The following PLCG1 variants were observed in gnomAD, a reference collection of about 807,000 sequenced individuals.
The protein encoded by PLCG1 is phospholipase C gamma 1.
Under a neutral mutation model 177.8 loss-of-function variants are expected in PLCG1, and 71 were observed. The ratio of observed to expected loss-of-function variants is 0.40; its 90% CI spans 0.33 to 0.49. PLCG1 has a LOEUF of 0.49. PLCG1 is among the 20% of genes least tolerant of loss of function. The pLI, the probability that PLCG1 is intolerant of heterozygous loss-of-function variation, is 0.72. For synonymous variants in PLCG1, 658 were observed against 647.9 expected (o/e 1.02, Z -0.24); for missense variants, 1,281 against 1,709.0 (o/e 0.75, Z 4.42).
In PLCG1 at chr20:41,165,549, G is replaced by A. The variant is rs1170504360; in HGVS notation, c.1609G>A (p.Glu537Lys). 11 of 1,613,716 alleles carry A rather than the reference G, an allele frequency of 6.8e-6. No individual in the cohort carries two copies. The highest frequency in any genetic ancestry group is 9.3e-6 in the Non-Finnish European group (11 of 1,179,632). ...QGNEDEEEPK[E>K]VSSSTELHSN... ...CAACGAGGATGAGGAGGAGCCCAAG[G>A]AGGTGAGGAACCAGCTCAGGTCTGG... The change falls in exon 15 of 32, where the codon GAG (glutamate) becomes AAG (lysine). Residue 537 changes from glutamate (E) to lysine (K), a missense_variant and splice_region_variant. Physicochemically the swap from Glu to Lys is moderately conservative, Grantham distance 56. Transcript: ENST00000685551. This position sits in a 1 kb window ranked among gnomAD's most constrained non-coding sequence, Gnocchi z 6.6.
At chr20:41,168,908 C>A in intron 21 of PLCG1, 38 bp downstream of exon 21, 1 of 1,433,332 alleles carries the variant, frequency 7.0e-7, no homozygotes, top group East Asian at 2.3e-5. Context: ...GTCCAAGGGC[C>A]CCAGTGGAGC....
rs530092567 is a variant in PLCG1 at position 41,174,377 on chromosome 20, C to G, written c.3833+66C>G. The stretch of plus-strand genomic sequence containing the variant: ...GCTAGGTCCTCCTTCTTCAGTGTTT[C>G]TTTCTCCTGGGTAGAAAAGTTGTAA... On this transcript the variant is annotated intron_variant, in intron 31 of 31. Transcript: ENST00000685551. This position sits in a 1 kb window ranked among gnomAD's most constrained non-coding sequence, Gnocchi z 5.8. The G allele has an allele frequency of 1.9e-6, 3 of 1,601,546 alleles. No homozygotes were observed. The highest frequency in any genetic ancestry group is 1.3e-5 in the African/African-American group (1 of 74,756).
At chr20:41,169,641 C>T (rs2035829144) in intron 23 of PLCG1, 115 bp downstream of exon 23, 1 of 782,828 alleles carries the variant, frequency 1.3e-6, no homozygotes, top group Non-Finnish European at 2.2e-6. Flanking sequence ...TCTGCCCTCA[C>T]TCCAAGCTCT....
At chr20:41,158,607 G>C (rs766461342) in intron 1 of PLCG1, among the ~76,000 whole-genome samples, 2 of 152,164 alleles carry the variant, frequency 1.3e-5, no homozygotes, top group African/African-American at 2.4e-5. Context: ...TAGCTGTTAC[G>C]ACTTTTGATC....
intron 1 of PLCG1, among the ~76,000 whole-genome samples, chr20:41,149,002 T>C (rs1243284153): frequency 6.6e-6 from 1 of 152,242 alleles, no homozygotes; most frequent in Non-Finnish European, 1.5e-5. Flanking sequence ...ATAGTGTTAT[T>C]TGCAAGTATA....
At chr20:41,149,175 C>T (rs533468608) in intron 1 of PLCG1, among the ~76,000 whole-genome samples, 5 of 152,356 alleles carry the variant, frequency 3.3e-5, no homozygotes, top group Non-Finnish European at 1.5e-5. Context: ...TCATCCTCTA[C>T]TTCTCAGCTT....
chr20:41,174,603 T>G lies in PLCG1; in HGVS notation c.*94T>G. Reference sequence around the variant, plus strand: ...TTGGAAGCAGCCCCCTGTGGCGGCCTTCCGGGTCTCGCAGCCTGAAGCCTG... The same window carrying G: ...TTGGAAGCAGCCCCCTGTGGCGGCCGTCCGGGTCTCGCAGCCTGAAGCCTG... On this transcript the variant is annotated 3_prime_UTR_variant, in exon 32 of 32. Transcript: ENST00000685551. This position sits in a 1 kb window ranked among gnomAD's most constrained non-coding sequence, Gnocchi z 5.8. The G allele has an allele frequency of 8.9e-7, 1 of 1,128,658 alleles. No homozygotes were observed. The highest frequency in any genetic ancestry group is 1.3e-5 in the South Asian group (1 of 74,900). The allele number at this position is 1,128,658 out of a possible 1,614,324, so 69.9% of individuals were successfully genotyped here. A position where few individuals can be genotyped will look rare whatever the true frequency, so the allele number is the denominator to read the frequency against.
chr20:41,173,904 A>G lies in PLCG1; in HGVS notation c.3557-19A>G. On this transcript the variant is annotated intron_variant, in intron 29 of 31. Coordinates refer to ENST00000685551, the MANE Select transcript of PLCG1 (RefSeq NM_002660.3). The surrounding 1 kb of genome is among the most constrained non-coding windows in gnomAD (Gnocchi z 6.2). ...CTCTGTCCCTCGTGGGCTGAGGGCC[A>G]GGCTTTTCCTCCTCCTAGGATACAG... 2 of 1,613,254 alleles carry G rather than the reference A, an allele frequency of 1.2e-6. No individual in the cohort carries two copies. Among genetic ancestry groups the G allele is most frequent in the Non-Finnish European group, 1.7e-6 (2 of 1,179,260 alleles).
At chr20:41,142,763 T>G (rs1037859496) in intron 1 of PLCG1, among the ~76,000 whole-genome samples, 1 of 152,050 alleles carries the variant, frequency 6.6e-6, no homozygotes, top group African/African-American at 2.4e-5. Flanking sequence ...TTTTATAAGG[T>G]TTTTGTGAGG....
rs1317909688 is a variant in PLCG1 at position 41,151,653 on chromosome 20, C to CA, written c.218-7952dup. On this transcript the variant is annotated intron_variant, in intron 1 of 31. Coordinates refer to ENST00000685551, the MANE Select transcript of PLCG1 (RefSeq NM_002660.3). This position sits in a 1 kb window ranked among gnomAD's most constrained non-coding sequence, Gnocchi z 5.5. Reference sequence around the variant, plus strand: ...GGCAGGAGGAGGAATATTATAGTCTCAGGAAGAGGGAGGAATGAGAGGGAG... The same window carrying CA: ...GGCAGGAGGAGGAATATTATAGTCTCAAGGAAGAGGGAGGAATGAGAGGGAG... Among the ~76,000 whole-genome samples the CA allele has an allele frequency of 6.6e-6, 1 of 152,150 alleles. No homozygotes were observed. Among genetic ancestry groups the CA allele is most frequent in the African/African-American group, 2.4e-5 (1 of 41,396 alleles).
intron 5 of PLCG1, 41 bp from the exon 6 acceptor site, chr20:41,162,601 G>C: frequency 1.2e-6 from 2 of 1,605,934 alleles, no homozygotes; most frequent in Non-Finnish European, 1.7e-6. Context: ...TCAGCTGGGG[G>C]CCTGACTGCC....
Position 41,166,242 on chromosome 20 carries a change from T to TG in PLCG1, c.1851dup (p.Thr618AspfsTer13), listed in dbSNP as rs1317405522. On this transcript the variant is annotated frameshift_variant, in exon 17 of 32. Coordinates refer to ENST00000685551, the MANE Select transcript of PLCG1 (RefSeq NM_002660.3). LOFTEE classifies it high-confidence loss of function. This position sits in a 1 kb window ranked among gnomAD's most constrained non-coding sequence, Gnocchi z 8.6. ...GCCGTATCCACTCCCGGCAAGATGC[T>TG]GGGACCCCCAAGTTCTTCTTGACAG... is the stretch of plus-strand genomic sequence containing the variant. 1 of 1,614,140 alleles carries TG rather than the reference T, an allele frequency of 6.2e-7. No homozygotes were observed.
chr20:41,168,183 T>C (rs1359392587), intron 20 of PLCG1, among the ~76,000 whole-genome samples: 4 of 152,166 alleles, frequency 2.6e-5, no homozygotes, highest in Non-Finnish European at 5.9e-5. Context: ...CCCTGTTTCC[T>C]TCCTGGGCAG....
Position 41,137,901 on chromosome 20 carries a change from G to T in PLCG1, c.217+43G>T, listed in dbSNP as rs760222022. ...CTGCCTGGGCCCGCCCCGCGCGGGG[G>T]TCGTGGGAGCCCGGCCCGACTGCTT... On this transcript the variant is annotated intron_variant, in intron 1 of 31. Coordinates refer to ENST00000685551, the MANE Select transcript of PLCG1 (RefSeq NM_002660.3). The surrounding 1 kb of genome is among the most constrained non-coding windows in gnomAD (Gnocchi z 7.3). The T allele has an allele frequency of 9.9e-6, 12 of 1,206,778 alleles. No homozygotes were observed. The highest frequency in any genetic ancestry group is 3.1e-5 in the African/African-American group (2 of 63,576). The allele number at this position is 1,206,778 out of a possible 1,614,324, so 74.8% of individuals were successfully genotyped here.
chr20:41,166,612 T>G lies in PLCG1; in HGVS notation c.2120+17T>G. 1.2e-6 allele frequency: 2 copies of G among 1,614,142 alleles called. No individual in the cohort carries two copies. The highest frequency in any genetic ancestry group is 1.7e-6 in the Non-Finnish European group (2 of 1,180,018). ...CTCTTTCCGGTGAGGGGTGTGGCAC[T>G]GGGTTGTGGGGCCTTGCTTGGGTCT... On this transcript the variant is annotated intron_variant, in intron 18 of 31. Coordinates refer to ENST00000685551, the MANE Select transcript of PLCG1 (RefSeq NM_002660.3). This position sits in a 1 kb window ranked among gnomAD's most constrained non-coding sequence, Gnocchi z 8.6.
Position 41,172,888 on chromosome 20 carries a change from C to G in PLCG1, c.3279+11C>G. 1 of 1,612,174 alleles carries G rather than the reference C, an allele frequency of 6.2e-7. No individual in the cohort carries two copies. Among genetic ancestry groups the G allele is most frequent in the Non-Finnish European group, 8.5e-7 (1 of 1,178,750 alleles). ...GCCATCTCTATTGAGGTGGGTGCTG[C>G]TCATCTGGGCTTCAGGGTAGGAAAG... On this transcript the variant is annotated intron_variant, in intron 27 of 31. Coordinates refer to ENST00000685551, the MANE Select transcript of PLCG1 (RefSeq NM_002660.3). The surrounding 1 kb of genome is among the most constrained non-coding windows in gnomAD (Gnocchi z 7.0).
chr20:41,176,609 G>C lies in PLCG1; in HGVS notation c.*2100G>C, dbSNP rs2036071688. On this transcript the variant is annotated 3_prime_UTR_variant, in exon 32 of 32. Transcript: ENST00000685551. ...TGGAACACAACCTGGGGAACAGACA[G>C]CTCTGCCTTTCTTAAGGCAGCTTTG... 6.6e-6 allele frequency: 1 copy of C among 152,246 alleles called. No individual in the cohort carries two copies. Among genetic ancestry groups the C allele is most frequent in the South Asian group, 2.1e-4 (1 of 4,830 alleles). 9.4% of individuals were successfully genotyped at this position (152,246 alleles called of 1,614,324 possible).
At chr20:41,168,054 C>A in intron 20 of PLCG1, 125 bp downstream of exon 20, 1 of 732,168 alleles carries the variant, frequency 1.4e-6, no homozygotes, top group Non-Finnish European at 2.4e-6. Flanking sequence ...TTCCGAGGCC[C>A]AAGAGGTTGT....
rs985359109 is a variant in PLCG1 at position 41,175,928 on chromosome 20, G to A, written c.*1419G>A. 2 of 152,318 alleles carry A rather than the reference G, an allele frequency of 1.3e-5. No individual in the cohort carries two copies. Among genetic ancestry groups the A allele is most frequent in the East Asian group, 3.8e-4 (2 of 5,200 alleles). 9.4% of individuals were successfully genotyped at this position (152,318 alleles called of 1,614,324 possible). A position where few individuals can be genotyped will look rare whatever the true frequency, so the allele number is the denominator to read the frequency against. ...TCTCTCCTGCCCACCCTCTGAGGGT[G>A]TGTCTGAGCAGAGTACATCCTGCCT... On this transcript the variant is annotated 3_prime_UTR_variant, in exon 32 of 32. Transcript: ENST00000685551.
Sources: gnomAD v4.1 joint callset for allele counts (sites outside exome capture counted in the v4.1 genomes callset) on GRCh38, gnomAD v4.1.1 for gene constraint, Gnocchi (gnomAD v3.1) non-coding constraint, MANE v1.5 for transcripts, NCBI Gene and HGNC (gene_info 2026-07-23, HGNC 2026-07-21) for gene names.